The following REPS2 variants were observed in gnomAD, a reference collection of about 807,000 sequenced individuals.
The protein encoded by REPS2 is ralBP1-associated Eps domain-containing protein 2.
Under a neutral mutation model 53.6 loss-of-function variants are expected in REPS2, and 23 were observed. The observed-to-expected ratio is 0.43, with a 90% confidence interval of 0.31 to 0.61. The LOEUF (loss-of-function observed/expected upper bound fraction) is 0.61. REPS2 is among the 20% of genes least tolerant of loss of function. The pLI is 0.11. For synonymous variants in REPS2, 238 were observed against 218.6 expected, an observed-to-expected ratio of 1.09 and a Z score of -0.78; for missense variants, 446 against 534.9, an observed-to-expected ratio of 0.83 and a Z score of 1.64.
At chrX:17,073,633 G>T (rs1451501795) in intron 11 of REPS2, among the ~76,000 whole-genome samples, 2 of 109,833 alleles carry the variant, frequency 1.8e-5, no homozygotes, top group Non-Finnish European at 3.8e-5. Context: ...TTACTTGTGA[G>T]AGCTTTGTTT....
At chrX:17,143,210 T>C (rs970675544) in intron 17 of REPS2, among the ~76,000 whole-genome samples, 2 of 112,203 alleles carry the variant, frequency 1.8e-5, no homozygotes, top group African/African-American at 6.5e-5. Flanking sequence ...TGGGGTTGGT[T>C]GAACTGTAAT....
chrX:16,992,548 T>A (rs184941837), intron 1 of REPS2, among the ~76,000 whole-genome samples: 1 of 111,994 alleles, frequency 8.9e-6, no homozygotes, highest in Admixed American at 9.5e-5. Flanking sequence ...CATTCTTCAT[T>A]GCCCCAAAGC....
chrX:17,166,864 A>G, the REPS2 span, among the ~76,000 whole-genome samples: 1 of 112,278 alleles, frequency 8.9e-6, no homozygotes, highest in Admixed American at 9.4e-5. Context: ...ATACATATGT[A>G]CACAGACAAT....
At chrX:16,954,332 A>G (rs2060563736) in intron 1 of REPS2, among the ~76,000 whole-genome samples, 1 of 112,029 alleles carries the variant, frequency 8.9e-6, no homozygotes, top group Non-Finnish European at 1.9e-5. Context: ...ACCCTGCTGC[A>G]CTTGCCACTC....
At chrX:16,975,568 T>C (rs2060946004) in intron 1 of REPS2, among the ~76,000 whole-genome samples, 1 of 111,924 alleles carries the variant, frequency 8.9e-6, no homozygotes, top group African/African-American at 3.2e-5. Flanking sequence ...ACTGCATAAG[T>C]GACATGTCCT....
chrX:17,033,804 C>T (rs2061734583), intron 5 of REPS2, among the ~76,000 whole-genome samples: 1 of 112,286 alleles, frequency 8.9e-6, no homozygotes, highest in African/African-American at 3.2e-5. Context: ...AAGCCTGTCC[C>T]TCTCTGCCCA....
At chrX:16,963,803 A>G (rs2060696409) in intron 1 of REPS2, among the ~76,000 whole-genome samples, 1 of 111,204 alleles carries the variant, frequency 9.0e-6, no homozygotes, top group Admixed American at 9.6e-5. Flanking sequence ...TTATAAACCA[A>G]GAAGTAGGAA....
At chrX:17,067,712 A>G (rs1390197470) in intron 9 of REPS2, among the ~76,000 whole-genome samples, 1 of 112,089 alleles carries the variant, frequency 8.9e-6, no homozygotes, top group African/African-American at 3.2e-5. Flanking sequence ...CATCTGCATG[A>G]CAGATCTTGG....
intron 1 of REPS2, among the ~76,000 whole-genome samples, chrX:16,960,290 C>T (rs925035945): frequency 3.3e-4 from 36 of 110,584 alleles, no homozygotes; most frequent in East Asian, 8.5e-4. Flanking sequence ...TCGCTGGAGC[C>T]GAGGATTTTG....
At chrX:17,100,332 G>A (rs1401988926) in intron 13 of REPS2, 2 of 518,406 alleles carry the variant, frequency 3.9e-6, no homozygotes, top group Non-Finnish European at 6.9e-6. Flanking sequence ...TGTGTGTAAA[G>A]GGTGATGCTG....
chrX:16,957,898 C>G (rs754386047), intron 1 of REPS2, among the ~76,000 whole-genome samples: 1 of 111,607 alleles, frequency 9.0e-6, no homozygotes, highest in Non-Finnish European at 1.9e-5. Context: ...TATTCTTCTC[C>G]TGATTGTGAC....
chrX:17,049,184 C>T (rs1229727060), intron 6 of REPS2, among the ~76,000 whole-genome samples: 1 of 112,256 alleles, frequency 8.9e-6, no homozygotes, highest in Admixed American at 9.4e-5. Context: ...TGAGCCACCG[C>T]ACCTGGCCTT....
intron 1 of REPS2, among the ~76,000 whole-genome samples, chrX:16,970,757 A>G (rs2060879796): frequency 8.9e-6 from 1 of 112,500 alleles, no homozygotes; most frequent in South Asian, 3.6e-4. Flanking sequence ...TTTCATAGAA[A>G]TGAAACCACA....
At chrX:16,959,088 A>G (rs1569088527) in intron 1 of REPS2, among the ~76,000 whole-genome samples, 2 of 111,633 alleles carry the variant, frequency 1.8e-5, no homozygotes, top group Non-Finnish European at 3.8e-5. Context: ...ATATGGAAGT[A>G]TGTGTGTGTG....
At chrX:17,019,282 A>G (rs1347610814) in intron 2 of REPS2, among the ~76,000 whole-genome samples, 4 of 112,337 alleles carry the variant, frequency 3.6e-5, no homozygotes, top group African/African-American at 1.3e-4. Flanking sequence ...AATGTAACCT[A>G]AGATGAAACA....
chrX:17,111,725 T>C (rs1344562128), intron 14 of REPS2, among the ~76,000 whole-genome samples: 1 of 111,637 alleles, frequency 9.0e-6, no homozygotes, highest in Non-Finnish European at 1.9e-5. Context: ...TCTGGCTTTG[T>C]GGGAATTAAG....
chrX:17,006,190 G>A (rs777857122), intron 1 of REPS2, 31 bp from the exon 2 acceptor site: 2 of 1,201,178 alleles, frequency 1.7e-6, no homozygotes, highest in South Asian at 3.6e-5. Flanking sequence ...GAAATTGGGT[G>A]TTCAGCATTG....
intron 4 of REPS2, among the ~76,000 whole-genome samples, chrX:17,027,453 C>T (rs1244075168): frequency 3.6e-5 from 4 of 111,649 alleles, no homozygotes; most frequent in Non-Finnish European, 7.5e-5. Flanking sequence ...GATCTGTTCT[C>T]CTGGTGCTGG....
chrX:17,102,512 A>T (rs2062822575), intron 13 of REPS2, among the ~76,000 whole-genome samples: 1 of 112,149 alleles, frequency 8.9e-6, no homozygotes, highest in African/African-American at 3.2e-5. Context: ...TTTGTTATTG[A>T]CAGCTGTTCA....
Sources: gnomAD v4.1 joint callset for allele counts (sites outside exome capture counted in the v4.1 genomes callset) on GRCh38, gnomAD v4.1.1 for gene constraint, MANE v1.5 for transcripts, NCBI Gene and HGNC (gene_info 2026-07-23, HGNC 2026-07-21) for gene names.